The following MPPED2 variants were observed in gnomAD, a reference collection of about 807,000 sequenced individuals.
MPPED2 encodes the protein metallophosphoesterase MPPED2.
MPPED2 carries 5 observed loss-of-function variants against 33.0 expected under a neutral mutation model. The observed-to-expected ratio is 0.15, with a 90% CI of 0.08 to 0.32. The LOEUF (loss-of-function observed/expected upper bound fraction) is 0.32, where lower values mean the gene tolerates loss of function less well. Ranked by LOEUF, MPPED2 falls within the 10% of genes least tolerant of loss-of-function variation. The pLI, the probability that MPPED2 is intolerant of heterozygous loss-of-function variation, is 1.00. For missense variants in MPPED2, 275 were observed against 372.1 expected (o/e 0.74, Z 2.15); for synonymous variants, 136 against 141.9 (o/e 0.96, Z 0.29).
At chr11:30,502,452 TA>T (rs1413022925) in intron 3 of MPPED2, among the ~76,000 whole-genome samples, 2 of 152,182 alleles carry the variant, frequency 1.3e-5, no homozygotes, top group Non-Finnish European at 2.9e-5. Context: ...CCTCATGCTG[TA>T]ACAATTAAAA....
intron 4 of MPPED2, among the ~76,000 whole-genome samples, chr11:30,481,920 A>G (rs1951506048): frequency 6.6e-6 from 1 of 152,188 alleles, no homozygotes; most frequent in African/African-American, 2.4e-5. Context: ...TGTTGAGGAC[A>G]GACACTTCCA....
intron 6 of MPPED2, among the ~76,000 whole-genome samples, chr11:30,399,232 T>C (rs1947877804): frequency 1.3e-5 from 2 of 152,202 alleles, no homozygotes; most frequent in African/African-American, 2.4e-5. Context: ...ACAGGACTTA[T>C]GAGTCAACCA....
chr11:30,457,401 G>C (rs1196553615), intron 4 of MPPED2, among the ~76,000 whole-genome samples: 1 of 145,012 alleles, frequency 6.9e-6, no homozygotes, highest in African/African-American at 2.5e-5. Context: ...AAAAAAAACA[G>C]TTCCTTCTTT....
At chr11:30,546,866 T>C (rs1159408293) in intron 2 of MPPED2, among the ~76,000 whole-genome samples, 2 of 152,222 alleles carry the variant, frequency 1.3e-5, no homozygotes, top group Non-Finnish European at 2.9e-5. Flanking sequence ...TATTTGTTTC[T>C]CTGGAGGTGG....
At chr11:30,457,769 T>C (rs970048254) in intron 4 of MPPED2, among the ~76,000 whole-genome samples, 1 of 152,154 alleles carries the variant, frequency 6.6e-6, no homozygotes, top group Non-Finnish European at 1.5e-5. Flanking sequence ...GTTCACAATA[T>C]ATGCTGTTTG....
intron 3 of MPPED2, among the ~76,000 whole-genome samples, chr11:30,522,733 A>T (rs1480966361): frequency 6.6e-6 from 1 of 152,138 alleles, no homozygotes; most frequent in Non-Finnish European, 1.5e-5. Context: ...CAGTGCTATA[A>T]TTATGTCGTC....
intron 2 of MPPED2, among the ~76,000 whole-genome samples, chr11:30,545,873 A>ATT (rs201989920): frequency 6.6e-6 from 1 of 151,612 alleles, no homozygotes; most frequent in East Asian, 2.0e-4. Context: ...ACATATATAT[A>ATT]TTTTTTTTAG....
chr11:30,520,900 A>G (rs1374483987), intron 3 of MPPED2, among the ~76,000 whole-genome samples: 1 of 152,168 alleles, frequency 6.6e-6, no homozygotes. Flanking sequence ...GTATGTACCC[A>G]CCAGGCCCAG....
intron 4 of MPPED2, among the ~76,000 whole-genome samples, chr11:30,424,078 A>G (rs1479281829): frequency 6.6e-6 from 1 of 152,342 alleles, no homozygotes; most frequent in African/African-American, 2.4e-5. Flanking sequence ...TCAGTCTTGC[A>G]TGGACAATCC....
intron 1 of MPPED2, among the ~76,000 whole-genome samples, chr11:30,585,609 C>A (rs1279663018): frequency 6.6e-6 from 1 of 152,066 alleles, no homozygotes; most frequent in Non-Finnish European, 1.5e-5. Context: ...CGCCCGGCTT[C>A]CCCAGCTTCT....
At chr11:30,395,163 C>A (rs1395900982) in intron 6 of MPPED2, among the ~76,000 whole-genome samples, 1 of 152,114 alleles carries the variant, frequency 6.6e-6, no homozygotes, top group East Asian at 1.9e-4. Context: ...CATTTTCTAA[C>A]CACTATCATC....
intron 6 of MPPED2, among the ~76,000 whole-genome samples, chr11:30,399,672 T>A (rs778502188): frequency 3.3e-5 from 5 of 152,228 alleles, no homozygotes; most frequent in Non-Finnish European, 7.3e-5. Flanking sequence ...CTCATTCATG[T>A]AGAGTCTCAG....
intron 6 of MPPED2, among the ~76,000 whole-genome samples, chr11:30,396,329 C>A (rs190342781): frequency 6.6e-6 from 1 of 152,122 alleles, no homozygotes; most frequent in Non-Finnish European, 1.5e-5. Context: ...AAATATATTC[C>A]CACTCCAGCC....
Position 30,467,573 on chromosome 11 carries a change from C to T in MPPED2, c.536+27723G>A, listed in dbSNP as rs371878851. ...AGTCCAGAGGGCTCCCACCAAATGG[C>T]CTGGATCTCCCCCAGGCCCTGGGCT... is the stretch of plus-strand genomic sequence containing the variant. On this transcript the variant is annotated intron_variant, in intron 4 of 6. Coordinates refer to ENST00000358117, the MANE Select transcript of MPPED2 (RefSeq NM_001584.3). Among the ~76,000 whole-genome samples, 14 of 152,250 alleles carry T rather than the reference C, an allele frequency of 9.2e-5. No homozygotes were observed. In the East Asian group the frequency reaches 2.1e-3, roughly 23 times the overall value.
chr11:30,574,903 T>A (rs1413647726), intron 2 of MPPED2, among the ~76,000 whole-genome samples: 3 of 152,230 alleles, frequency 2.0e-5, no homozygotes, highest in Non-Finnish European at 2.9e-5. Context: ...CAGTTCCAAA[T>A]GTATTCCCTA....
intron 4 of MPPED2, among the ~76,000 whole-genome samples, chr11:30,482,382 G>A (rs1050198194): frequency 6.6e-6 from 1 of 152,112 alleles, no homozygotes; most frequent in African/African-American, 2.4e-5. Context: ...TTCTTCAAGG[G>A]ACAAAACCAT....
chr11:30,432,858 C>G (rs1267596563), intron 4 of MPPED2, among the ~76,000 whole-genome samples: 1 of 152,166 alleles, frequency 6.6e-6, no homozygotes, highest in East Asian at 1.9e-4. Context: ...GCTAAAGTGT[C>G]ATGGTATGGA....
intron 4 of MPPED2, among the ~76,000 whole-genome samples, chr11:30,452,849 G>T (rs1156608692): frequency 6.6e-6 from 1 of 152,060 alleles, no homozygotes; most frequent in East Asian, 1.9e-4. Flanking sequence ...TCTGCAAAAA[G>T]GATGGTGGAA....
At chr11:30,448,116 G>C (rs1009074) in intron 4 of MPPED2, among the ~76,000 whole-genome samples, 32,717 of 151,998 alleles carry the variant, frequency 0.22, 5,373 homozygotes, top group African/African-American at 0.47. Flanking sequence ...AGACGTGAAT[G>C]AGCATCATTT....
Sources: allele counts gnomAD v4.1 joint callset (sites outside exome capture counted in the v4.1 genomes callset), GRCh38; gene constraint gnomAD v4.1.1; transcripts MANE v1.5; gene names NCBI Gene and HGNC (gene_info 2026-07-23, HGNC 2026-07-21).